Variants in ZNF451 observed in about 807,000 individuals in gnomAD.
The protein encoded by ZNF451 is zinc finger protein 451, also known as E3 SUMO-protein ligase ZNF451.
Under a neutral mutation model 107.1 loss-of-function variants are expected in ZNF451, and 80 were observed. That is an observed-to-expected ratio of 0.75 (90% CI 0.62 to 0.90). ZNF451 has a LOEUF of 0.90. Ranked by LOEUF, ZNF451 falls within the 40% of genes least tolerant of loss-of-function variation. ZNF451 has a pLI of 0.00. For synonymous variants in ZNF451, 362 were observed against 406.5 expected (o/e 0.89, Z 1.32); for missense variants, 1,107 against 1,236.2 (o/e 0.90, Z 1.57).
intron 13 of ZNF451, among the ~76,000 whole-genome samples, chr6:57,157,976 A>G (rs1763508838): frequency 6.6e-6 from 1 of 152,226 alleles, no homozygotes; most frequent in South Asian, 2.1e-4. Context: ...TGTAGTGTTT[A>G]CAGATGTTTA....
intron 3 of ZNF451, among the ~76,000 whole-genome samples, chr6:57,123,885 A>G (rs1011517142): frequency 1.3e-5 from 2 of 152,196 alleles, no homozygotes; most frequent in African/African-American, 4.8e-5. Flanking sequence ...CAACCTTGCT[A>G]TAATTGCTTA....
chr6:57,122,539 C>A (rs1830689720), intron 3 of ZNF451, among the ~76,000 whole-genome samples: 1 of 152,076 alleles, frequency 6.6e-6, no homozygotes. Flanking sequence ...AGGAAAAAAA[C>A]CAATTCCATT....
intron 9 of ZNF451, among the ~76,000 whole-genome samples, chr6:57,142,724 A>G (rs1318206829): frequency 6.6e-6 from 1 of 152,180 alleles, no homozygotes; most frequent in African/African-American, 2.4e-5. Context: ...GAAAAGTGGA[A>G]TTGTTGGTTC....
At chr6:57,109,786 GT>G in intron 3 of ZNF451, 1 of 847,190 alleles carries the variant, frequency 1.2e-6, no homozygotes, top group Non-Finnish European at 1.4e-6. Context: ...AGAATGAGGA[GT>G]TAGAGTGTAT....
rs528304999 is a variant in ZNF451, at chr6:57,148,391, A to G, written c.2306A>G (p.Asn769Ser). ...ACAGCACAGAATTTAACCGACATGA[A>G]CACTCATATCCATCAAGTGCACAAA... ...SATAQNLTDM[N>S]THIHQVHKEK... Residue 769 changes from asparagine to serine, a missense_variant, in exon 10 of 15, where the codon AAC becomes AGC. By Grantham distance (46) the Asn-to-Ser change is conservative. Around this residue, in one of 5 missense-constraint regions of ZNF451, gnomAD observed 608 missense variants for 649.2 expected, o/e 0.94. Coordinates refer to ENST00000370706, the MANE Select transcript of ZNF451 (RefSeq NM_001031623.3). The G allele has an allele frequency of 6.2e-7, 1 of 1,613,894 alleles. No individual in the cohort carries two copies. Among genetic ancestry groups the G allele is most frequent in the Non-Finnish European group, 8.5e-7 (1 of 1,179,872 alleles).
At chr6:57,091,917 T>C (rs915777649) in intron 2 of ZNF451, among the ~76,000 whole-genome samples, 1 of 152,162 alleles carries the variant, frequency 6.6e-6, no homozygotes, top group Non-Finnish European at 1.5e-5. Context: ...TGTTTAGGAG[T>C]CCTTCACAAG....
At chr6:57,142,218 A>T in intron 9 of ZNF451, 123 bp downstream of exon 9, 1 of 1,156,386 alleles carries the variant, frequency 8.6e-7, no homozygotes, top group Non-Finnish European at 1.2e-6. Flanking sequence ...GTTGCCTGGA[A>T]ATTAGCCAAA....
At chr6:57,096,085 A>G (rs182462044) in intron 2 of ZNF451, among the ~76,000 whole-genome samples, 27 of 151,898 alleles carry the variant, frequency 1.8e-4, no homozygotes. Context: ...TGGCCTCCCA[A>G]AGTGCTGAGA....
chr6:57,093,652 A>G (rs1187140387), intron 2 of ZNF451, among the ~76,000 whole-genome samples: 2 of 152,380 alleles, frequency 1.3e-5, no homozygotes, highest in South Asian at 4.1e-4. Context: ...AAAAAAGGAC[A>G]TAAGACTTGC....
At chr6:57,106,348 T>C (rs1228219090) in intron 3 of ZNF451, 1 of 970,662 alleles carries the variant, frequency 1.0e-6, no homozygotes, top group African/African-American at 1.8e-5. Context: ...TCGCTCTTGT[T>C]GCCCAGGCTG....
chr6:57,144,475 A>C (rs1397752972), intron 9 of ZNF451, among the ~76,000 whole-genome samples: 1 of 151,930 alleles, frequency 6.6e-6, no homozygotes, highest in Non-Finnish European at 1.5e-5. Context: ...TCCTGACCTC[A>C]AGTGATCTGT....
intron 3 of ZNF451, chr6:57,108,111 T>C (rs1252288259): frequency 2.0e-6 from 2 of 981,456 alleles, no homozygotes; most frequent in African/African-American, 3.5e-5. Flanking sequence ...AGTGCTGGGA[T>C]TACAGGCGTG....
chr6:57,105,879 T>C, intron 3 of ZNF451: 3 of 984,424 alleles, frequency 3.0e-6, no homozygotes, highest in Non-Finnish European at 3.6e-6. Context: ...ATCAGTATAA[T>C]TACATTTAAA....
rs938468828 is a variant in ZNF451, at chr6:57,158,152, C to T, written c.3071-2932C>T. Among the ~76,000 whole-genome samples the T allele has an allele frequency of 2.6e-5, 4 of 152,158 alleles. No individual in the cohort carries two copies. In the East Asian group the frequency reaches 7.7e-4, roughly 29 times the overall value. On this transcript the variant is annotated intron_variant, in intron 13 of 14. Transcript: ENST00000370706. ...CAAGTGCTTTGCTTTTCATTAGTAT[C>T]AACGACTGTGGTTGAGACTTTCACT...
chr6:57,166,339 A>T lies in ZNF451; in HGVS notation c.3140-2084A>T, dbSNP rs938486305. On this transcript the variant is annotated intron_variant, in intron 14 of 14. Transcript: ENST00000370706. ...ACTGTGCCTGGCCTATACTACATTT[A>T]AAAAAATTTTTTTTTCTTCAGTAAT... 5.3e-5 allele frequency among the ~76,000 whole-genome samples: 8 copies of T among 152,160 alleles called. No individual in the cohort carries two copies. In the South Asian group the frequency reaches 1.4e-3, roughly 28 times the overall value.
chr6:57,133,215 T>G, intron 6 of ZNF451, 23 bp downstream of exon 6: 1 of 1,602,234 alleles, frequency 6.2e-7, no homozygotes, highest in South Asian at 1.1e-5. Flanking sequence ...TTCATAATAG[T>G]GAATGCTGAA....
At chr6:57,133,627 T>A (rs1409670204) in intron 6 of ZNF451, among the ~76,000 whole-genome samples, 1 of 152,158 alleles carries the variant, frequency 6.6e-6, no homozygotes, top group Non-Finnish European at 1.5e-5. Flanking sequence ...TAATAAAAAT[T>A]CTATTTATTG....
intron 3 of ZNF451, chr6:57,104,127 C>T (rs573575092): frequency 9.1e-6 from 9 of 983,962 alleles, no homozygotes; most frequent in African/African-American, 5.2e-5. Context: ...ATTTCCACTT[C>T]TGTAGAAATA....
chr6:57,107,491 G>A (rs746401112), intron 3 of ZNF451: 14 of 985,010 alleles, frequency 1.4e-5, no homozygotes, highest in Non-Finnish European at 1.7e-5. Context: ...AATGGTAGTA[G>A]TATTTTCTCA....
Sources: allele counts gnomAD v4.1 joint callset (sites outside exome capture counted in the v4.1 genomes callset), GRCh38; gene constraint gnomAD v4.1.1; regional missense constraint gnomAD v4.1.1; transcripts MANE v1.5; gene names NCBI Gene and HGNC (gene_info 2026-07-23, HGNC 2026-07-21).